Variants in MYO10 observed in about 807,000 individuals in gnomAD.
MYO10 encodes myosin X, also known as unconventional myosin-X.
In MYO10, 133 loss-of-function variants were observed where a neutral mutation model predicts 257.3. The ratio of observed to expected loss-of-function variants is 0.52; its 90% CI spans 0.45 to 0.60. The LOEUF is 0.60. MYO10 is among the 20% of genes least tolerant of loss of function. MYO10 has a pLI of 0.00. For missense variants in MYO10, 2,399 were observed against 2,635.7 expected, an observed-to-expected ratio of 0.91 and a Z score of 1.97; for synonymous variants, 1,104 against 1,028.6, an observed-to-expected ratio of 1.07 and a Z score of -1.40.
chr5:16,909,554 C>G (rs1363718158), intron 1 of MYO10, among the ~76,000 whole-genome samples: 2 of 150,514 alleles, frequency 1.3e-5, no homozygotes, highest in Non-Finnish European at 2.9e-5. Context: ...TATTTACCAT[C>G]ACTATTGCGA....
chr5:16,732,944 G>GCCAA (rs746291699), intron 19 of MYO10, among the ~76,000 whole-genome samples: 5 of 152,166 alleles, frequency 3.3e-5, no homozygotes, highest in Non-Finnish European at 7.3e-5. Flanking sequence ...GACCAGCCTG[G>GCCAA]CCAACATGGC....
intron 2 of MYO10, among the ~76,000 whole-genome samples, chr5:16,853,060 A>G (rs1743853937): frequency 6.6e-6 from 1 of 152,170 alleles, no homozygotes; most frequent in African/African-American, 2.4e-5. Context: ...CTCGAAATCC[A>G]TTATAAAAAA....
intron 19 of MYO10, among the ~76,000 whole-genome samples, chr5:16,733,745 T>C (rs1286809255): frequency 3.3e-5 from 5 of 151,996 alleles, no homozygotes; most frequent in Admixed American, 1.3e-4. Flanking sequence ...CAGTTGGGAG[T>C]TGCTAGGAAA....
intron 2 of MYO10, among the ~76,000 whole-genome samples, chr5:16,822,711 G>A (rs1057311743): frequency 5.4e-5 from 8 of 147,424 alleles, no homozygotes; most frequent in South Asian, 2.1e-4. Flanking sequence ...TTTTTGAGAC[G>A]GAGTCTCCCT....
chr5:16,850,367 G>A (rs963811197), intron 2 of MYO10, among the ~76,000 whole-genome samples: 1 of 152,072 alleles, frequency 6.6e-6, no homozygotes, highest in Non-Finnish European at 1.5e-5. Flanking sequence ...TCCACCTCCT[G>A]GGTTCAAGCG....
At chr5:16,870,188 T>A (rs1368196307) in intron 2 of MYO10, among the ~76,000 whole-genome samples, 1 of 147,496 alleles carries the variant, frequency 6.8e-6, no homozygotes, top group Non-Finnish European at 1.5e-5. Context: ...GCTCAGAGAA[T>A]AAAAAGGAAA....
At chr5:16,809,948 T>C (rs762586419) in intron 3 of MYO10, among the ~76,000 whole-genome samples, 4 of 152,134 alleles carry the variant, frequency 2.6e-5, no homozygotes, top group Non-Finnish European at 5.9e-5. Context: ...CCTTAGAGAC[T>C]GGGAGAGGAG....
At chr5:16,723,062 T>A (rs947798784) in intron 19 of MYO10, among the ~76,000 whole-genome samples, 1 of 152,134 alleles carries the variant, frequency 6.6e-6, no homozygotes, top group Non-Finnish European at 1.5e-5. Flanking sequence ...TGAAAAGATA[T>A]CACCTGTCAT....
chr5:16,701,362 G>A lies in MYO10; in HGVS notation c.3033C>T (p.Ser1011=), dbSNP rs758702846. 3.3e-5 allele frequency: 54 copies of A among 1,613,844 alleles called. No homozygotes were observed. Among genetic ancestry groups the A allele is most frequent in the East Asian group, 2.2e-5 (1 of 44,870 alleles). Residue 1011 remains serine (S), a synonymous_variant, in exon 25 of 41, where the codon AGC becomes AGT. Transcript: ENST00000513610. The surrounding 1 kb of genome is among the most constrained non-coding windows in gnomAD (Gnocchi z 8.1). The part of the protein sequence containing the change: ...DDAFKDSPNP[S]EHGHSDQRTS... ...TTCGCTGGTCTGAGTGGCCGTGCTCGCTGGGGTTGGGGGAGTCCTTGAAGG... is the reference window on the plus strand; with the variant it reads ...TTCGCTGGTCTGAGTGGCCGTGCTCACTGGGGTTGGGGGAGTCCTTGAAGG...
intron 9 of MYO10, among the ~76,000 whole-genome samples, chr5:16,779,234 A>T (rs897007037): frequency 7.9e-5 from 12 of 152,134 alleles, no homozygotes; most frequent in African/African-American, 2.9e-4. Flanking sequence ...GAAGCCCATG[A>T]TTTGGGGGGT....
At chr5:16,683,823 C>T in intron 30 of MYO10, 57 bp downstream of exon 30, 1 of 1,563,344 alleles carries the variant, frequency 6.4e-7, no homozygotes, top group East Asian at 2.2e-5. Context: ...AGCACAGACA[C>T]CTGTGGACAC....
chr5:16,715,452 C>T (rs1197422130), intron 19 of MYO10, among the ~76,000 whole-genome samples: 1 of 93,148 alleles, frequency 1.1e-5, no homozygotes. Context: ...AGGCATTTGT[C>T]ACCACACCTG....
chr5:16,681,493 G>A lies in MYO10; in HGVS notation c.4200C>T (p.His1400=). 6.2e-7 allele frequency: 1 copy of A among 1,600,486 alleles called. No individual in the cohort carries two copies. Among genetic ancestry groups the A allele is most frequent in the South Asian group, 1.1e-5 (1 of 87,854 alleles). ...TCTTTGGACTGTTCTTCACCTCTTT[G>A]TGCAACCATCCTGGAAAAAAAGATT... The part of the protein sequence containing the change: ...GQEFIVRGWL[H]KEVKNSPKMS... The change falls in exon 32 of 41, where the codon CAC becomes CAT. Residue 1400 remains histidine (H), a synonymous_variant. Coordinates refer to ENST00000513610, the MANE Select transcript of MYO10 (RefSeq NM_012334.3).
intron 21 of MYO10, among the ~76,000 whole-genome samples, chr5:16,705,936 C>G (rs1258603826): frequency 6.6e-6 from 1 of 152,136 alleles, no homozygotes; most frequent in Admixed American, 6.6e-5. Context: ...AATCCCAGCA[C>G]TCTGGGAGGC....
At chr5:16,774,290 G>A (rs944130016) in intron 9 of MYO10, among the ~76,000 whole-genome samples, 2 of 152,188 alleles carry the variant, frequency 1.3e-5, no homozygotes, top group Non-Finnish European at 2.9e-5. Flanking sequence ...CACCCTCAGA[G>A]AAGGTACCTC....
chr5:16,881,939 A>T (rs1431669151), intron 1 of MYO10, among the ~76,000 whole-genome samples: 1 of 152,054 alleles, frequency 6.6e-6, no homozygotes, highest in Non-Finnish European at 1.5e-5. Context: ...GCATATGGAA[A>T]AGGCTCACAA....
chr5:16,834,659 C>T (rs186455602), intron 2 of MYO10, among the ~76,000 whole-genome samples: 1 of 152,354 alleles, frequency 6.6e-6, no homozygotes, highest in East Asian at 1.9e-4. Context: ...CACAAATCAA[C>T]ACTTTTCATT....
intron 2 of MYO10, among the ~76,000 whole-genome samples, chr5:16,869,310 A>G (rs958673899): frequency 3.4e-5 from 5 of 147,482 alleles, no homozygotes; most frequent in Non-Finnish European, 7.4e-5. Flanking sequence ...AAGTGCTGGG[A>G]TTACAGGCGT....
chr5:16,840,389 G>A (rs1421954471), intron 2 of MYO10, among the ~76,000 whole-genome samples: 1 of 150,644 alleles, frequency 6.6e-6, no homozygotes, highest in East Asian at 2.0e-4. Flanking sequence ...TCCAGCCTGG[G>A]CGACAGAGCG....
Sources: allele counts gnomAD v4.1 joint callset (sites outside exome capture counted in the v4.1 genomes callset), GRCh38; gene constraint gnomAD v4.1.1; non-coding constraint Gnocchi (gnomAD v3.1); transcripts MANE v1.5; gene names NCBI Gene and HGNC (gene_info 2026-07-23, HGNC 2026-07-21).